HIBCH: variants seen among roughly 807,000 people sequenced by gnomAD.
HIBCH encodes 3-hydroxyisobutyryl-CoA hydrolase.
Under a neutral mutation model 58.2 loss-of-function variants are expected in HIBCH, and 50 were observed. The observed-to-expected ratio is 0.86, with a 90% CI of 0.68 to 1.09. HIBCH has a LOEUF of 1.09. Ranked by LOEUF, HIBCH falls within the 50% of genes least tolerant of loss-of-function variation. The pLI, the probability that HIBCH is intolerant of heterozygous loss-of-function variation, is 0.00. For missense variants in HIBCH, 450 were observed against 449.7 expected, an observed-to-expected ratio of 1.00 and a Z score of -0.01; for synonymous variants, 151 against 146.9, an observed-to-expected ratio of 1.03 and a Z score of -0.20.
Position 190,197,882 on chromosome 2 carries a change from G to T in HIBCH, c.*17+7218C>A, listed in dbSNP as rs77204980. Among the ~76,000 whole-genome samples, 1,015 of 152,216 alleles carry T rather than the reference G, an allele frequency of 6.7e-3. 12 individuals are homozygous for T. Among genetic ancestry groups the T allele is most frequent in the African/African-American group, 0.022 (920 of 41,528 alleles). The stretch of plus-strand genomic sequence containing the variant: ...GGTTCCACTGATGGTTCCACTCACA[G>T]CCTTTTATTTATCTGACACTCATTG... On this transcript the variant is annotated intron_variant, in intron 1 of 1. Coordinates refer to the HIBCH transcript ENST00000399855. This position sits in a 1 kb window ranked among gnomAD's most constrained non-coding sequence, Gnocchi z 4.0.
intron 9 of HIBCH, among the ~76,000 whole-genome samples, chr2:190,247,541 C>G (rs1319088577): frequency 6.6e-6 from 1 of 152,118 alleles, no homozygotes. Context: ...ATATTTCCTT[C>G]CCTCTATCTT....
chr2:190,240,803 T>G (rs571444776), intron 11 of HIBCH, among the ~76,000 whole-genome samples: 1 of 152,378 alleles, frequency 6.6e-6, no homozygotes, highest in African/African-American at 2.4e-5. Flanking sequence ...GTGAGTTTCT[T>G]AATCCTGAGT....
At position 190,279,832 on chromosome 2, in the gene HIBCH, C is replaced by A; in HGVS notation, c.438+7754G>T. On this transcript the variant is annotated intron_variant, in intron 6 of 13. Coordinates refer to ENST00000359678, the MANE Select transcript of HIBCH (RefSeq NM_014362.4). The surrounding 1 kb of genome is among the most constrained non-coding windows in gnomAD (Gnocchi z 4.2). ...TCAGCATTCCACAAGTTACTTCCTCCTTCCTTTGTTCTCCTCTGCCTTTGC... is the reference window on the plus strand; with the variant it reads ...TCAGCATTCCACAAGTTACTTCCTCATTCCTTTGTTCTCCTCTGCCTTTGC... The A allele has an allele frequency of 4.8e-6, 1 of 209,818 alleles. No individual in the cohort carries two copies. Among genetic ancestry groups the A allele is most frequent in the Non-Finnish European group, 9.4e-6 (1 of 106,476 alleles). The allele number at this position is 209,818 out of a possible 1,614,324, so 13.0% of individuals were successfully genotyped here.
intron 7 of HIBCH, among the ~76,000 whole-genome samples, chr2:190,255,042 C>T (rs983782230): frequency 2.6e-5 from 4 of 152,116 alleles, no homozygotes; most frequent in African/African-American, 9.7e-5. Context: ...AATGTAATAA[C>T]CTATTATCCA....
chr2:190,277,063 G>A (rs1202668498), intron 6 of HIBCH, among the ~76,000 whole-genome samples: 1 of 151,998 alleles, frequency 6.6e-6, no homozygotes, highest in Non-Finnish European at 1.5e-5. Context: ...TGCAACCCCA[G>A]ATGTTTTATA....
At chr2:190,231,517 T>A (rs1686095642) in intron 11 of HIBCH, among the ~76,000 whole-genome samples, 1 of 152,160 alleles carries the variant, frequency 6.6e-6, no homozygotes, top group African/African-American at 2.4e-5. Flanking sequence ...CTTTACCAAC[T>A]AGGCACAGAA....
downstream of HIBCH, chr2:190,199,991 T>C: frequency 3.7e-6 from 6 of 1,614,056 alleles, no homozygotes; most frequent in Non-Finnish European, 5.1e-6. Context: ...CCAGTTAATG[T>C]CAAAGAGGAA....
chr2:190,241,613 T>C (rs961252911), intron 11 of HIBCH, among the ~76,000 whole-genome samples: 3 of 152,230 alleles, frequency 2.0e-5, no homozygotes, highest in African/African-American at 7.2e-5. Context: ...GTCTTTCCTT[T>C]CCATATTTAG....
At chr2:190,194,040 T>C (rs903682298) in intron 1 of HIBCH, among the ~76,000 whole-genome samples, 5 of 152,226 alleles carry the variant, frequency 3.3e-5, no homozygotes, top group African/African-American at 4.8e-5. Context: ...CTTTGTCCCA[T>C]GGGTTATTTA....
At chr2:190,235,500 G>A (rs752424067) in intron 11 of HIBCH, among the ~76,000 whole-genome samples, 5 of 152,114 alleles carry the variant, frequency 3.3e-5, no homozygotes, top group African/African-American at 4.8e-5. Flanking sequence ...ATAAATATAT[G>A]ATTTCTGTAT....
In HIBCH at chr2:190,209,532, C is replaced by A. The variant is rs1024526389; in HGVS notation, c.1012-619G>T. On this transcript the variant is annotated intron_variant, in intron 12 of 13. Coordinates refer to ENST00000359678, the MANE Select transcript of HIBCH (RefSeq NM_014362.4). The surrounding 1 kb of genome is among the most constrained non-coding windows in gnomAD (Gnocchi z 5.6). ...AGCACACTCTTATTATAGTCTCAGCCAGTTACTTAACCTCTGACTTCTTTA... is the reference window on the plus strand; with the variant it reads ...AGCACACTCTTATTATAGTCTCAGCAAGTTACTTAACCTCTGACTTCTTTA... 2.0e-5 allele frequency among the ~76,000 whole-genome samples: 3 copies of A among 152,200 alleles called. No homozygotes were observed. Among genetic ancestry groups the A allele is most frequent in the African/African-American group, 7.2e-5 (3 of 41,438 alleles).
intron 6 of HIBCH, among the ~76,000 whole-genome samples, chr2:190,264,332 C>T (rs1303615600): frequency 6.6e-6 from 1 of 151,008 alleles, no homozygotes; most frequent in African/African-American, 2.4e-5. Flanking sequence ...TAAAGGTACA[C>T]AAACAGTAAC....
chr2:190,300,863 C>T (rs1266274066), intron 2 of HIBCH, among the ~76,000 whole-genome samples: 1 of 152,182 alleles, frequency 6.6e-6, no homozygotes, highest in African/African-American at 2.4e-5. Flanking sequence ...TTTCCATTCT[C>T]TGCATCTGGC....
intron 7 of HIBCH, among the ~76,000 whole-genome samples, chr2:190,253,699 C>T (rs1686844344): frequency 6.6e-6 from 1 of 152,166 alleles, no homozygotes; most frequent in South Asian, 2.1e-4. Context: ...TAAAACCCTC[C>T]CATGGCTGCC....
intron 4 of HIBCH, among the ~76,000 whole-genome samples, chr2:190,294,307 A>T (rs1353915606): frequency 6.6e-6 from 1 of 151,958 alleles, no homozygotes; most frequent in South Asian, 2.1e-4. Context: ...GAGAGACAAC[A>T]TATTTAAATT....
intron 6 of HIBCH, among the ~76,000 whole-genome samples, chr2:190,277,078 T>C (rs1687571892): frequency 6.6e-6 from 1 of 152,202 alleles, no homozygotes; most frequent in African/African-American, 2.4e-5. Context: ...TTTATATAAA[T>C]GGCAAAAGAG....
intron 2 of HIBCH, among the ~76,000 whole-genome samples, chr2:190,301,452 C>G (rs191073569): frequency 1.3e-5 from 2 of 152,266 alleles, no homozygotes; most frequent in African/African-American, 4.8e-5. Flanking sequence ...TTTAAAAAGG[C>G]AGTCAATCTC....
chr2:190,295,824 T>C (rs946992053), intron 3 of HIBCH, among the ~76,000 whole-genome samples: 4 of 152,184 alleles, frequency 2.6e-5, no homozygotes, highest in African/African-American at 9.7e-5. Context: ...GACAGACTCA[T>C]CAAAAGAAGA....
chr2:190,224,466 A>G (rs1685829652), intron 11 of HIBCH, among the ~76,000 whole-genome samples: 1 of 152,242 alleles, frequency 6.6e-6, no homozygotes, highest in East Asian at 1.9e-4. Context: ...GAAAACAAAA[A>G]AAAGCAGGGG....
Sources: allele counts gnomAD v4.1 joint callset (sites outside exome capture counted in the v4.1 genomes callset), GRCh38; gene constraint gnomAD v4.1.1; non-coding constraint Gnocchi (gnomAD v3.1); transcripts MANE v1.5; gene names NCBI Gene and HGNC (gene_info 2026-07-23, HGNC 2026-07-21).